CREBBP: variants seen among roughly 807,000 people sequenced by gnomAD.
CREBBP encodes CREB-binding protein.
A neutral mutation model predicts 265.0 loss-of-function variants in CREBBP; 19 were observed. The ratio of observed to expected loss-of-function variants is 0.07; its 90% CI spans 0.05 to 0.11. The LOEUF is 0.11. Ranked by LOEUF, CREBBP falls within the 10% of genes least tolerant of loss-of-function variation. The probability of loss-of-function intolerance (pLI) is 1.00; values close to 1 mark genes in which losing one functional copy is unlikely to be tolerated. For synonymous variants in CREBBP, 1,457 were observed against 1,223.7 expected (o/e 1.19, Z -3.98); for missense variants, 2,525 against 3,219.0 (o/e 0.78, Z 5.22).
At chr16:3,828,104 T>A (rs2054274162) in intron 2 of CREBBP, among the ~76,000 whole-genome samples, 1 of 152,010 alleles carries the variant, frequency 6.6e-6, no homozygotes, top group Non-Finnish European at 1.5e-5. Context: ...TTTTGTTTTG[T>A]TTTTGAGACA....
chr16:3,852,170 T>C (rs1005865350), intron 1 of CREBBP, among the ~76,000 whole-genome samples: 1 of 113,546 alleles, frequency 8.8e-6, no homozygotes, highest in Non-Finnish European at 2.0e-5. Flanking sequence ...TTTTTTTTTT[T>C]TTTTTTTTTT....
Position 3,879,818 on chromosome 16 carries a change from G to A in CREBBP, c.85+14C>T. The A allele has an allele frequency of 1.3e-6, 2 of 1,588,514 alleles. No individual in the cohort carries two copies. The highest frequency in any genetic ancestry group is 1.1e-5 in the South Asian group (1 of 87,832). ...CGCGCCCCGGGCCCCCGCCGCCCCG[G>A]ACCCCCTCCTCACCTGTGCTGTCAT... On this transcript the variant is annotated intron_variant, in intron 1 of 30. Transcript: ENST00000262367.
At chr16:3,788,170 T>C (rs2053429640) in intron 5 of CREBBP, among the ~76,000 whole-genome samples, 1 of 152,198 alleles carries the variant, frequency 6.6e-6, no homozygotes, top group Admixed American at 6.5e-5. Context: ...TGGGGGACTC[T>C]AGGTTGGAAA....
intron 2 of CREBBP, among the ~76,000 whole-genome samples, chr16:3,827,797 C>G (rs962300125): frequency 1.3e-5 from 2 of 151,898 alleles, no homozygotes; most frequent in African/African-American, 4.8e-5. Context: ...CTCAAGTGAT[C>G]TTCCTACCTC....
Position 3,727,844 on chromosome 16 carries a change from C to T in CREBBP, c.7203G>A (p.Gly2401=). Reference sequence around the variant, plus strand: ...GGAGCATTGCACTCTGTTCGGGGTTCCCCAAGTGTCCCTGATCTATGGAGC... The same window carrying T: ...GGAGCATTGCACTCTGTTCGGGGTTTCCCAAGTGTCCCTGATCTATGGAGC... ...MASSIDQGHL[G]NPEQSAMLPQ... is the part of the protein sequence containing the mutation. Residue 2401 remains glycine (G), a synonymous_variant, in exon 31 of 31, where the codon GGG becomes GGA. Coordinates refer to ENST00000262367, the MANE Select transcript of CREBBP (RefSeq NM_004380.3). The T allele has an allele frequency of 6.2e-7, 1 of 1,614,118 alleles. No homozygotes were observed. Among genetic ancestry groups the T allele is most frequent in the Non-Finnish European group, 8.5e-7 (1 of 1,180,032 alleles).
Position 3,774,701 on chromosome 16 carries a change from T to C in CREBBP, c.2159-8A>G. ...GGTTAAATGAATTCATCCCTGTAAATGTACCCACAACGGTTCATTAGGAAA... is the reference window on the plus strand; with the variant it reads ...GGTTAAATGAATTCATCCCTGTAAACGTACCCACAACGGTTCATTAGGAAA... On this transcript the variant is annotated splice_region_variant and splice_polypyrimidine_tract_variant and intron_variant, in intron 11 of 30. Coordinates refer to ENST00000262367, the MANE Select transcript of CREBBP (RefSeq NM_004380.3). 1 of 1,614,132 alleles carries C rather than the reference T, an allele frequency of 6.2e-7. No homozygotes were observed. Among genetic ancestry groups the C allele is most frequent in the Non-Finnish European group, 8.5e-7 (1 of 1,180,010 alleles).
At chr16:3,821,399 G>C (rs1362572078) in intron 2 of CREBBP, among the ~76,000 whole-genome samples, 1 of 152,178 alleles carries the variant, frequency 6.6e-6, no homozygotes, top group East Asian at 1.9e-4. Context: ...GCCTTTCCAG[G>C]AGACTGGGGA....
intron 2 of CREBBP, among the ~76,000 whole-genome samples, chr16:3,833,658 A>T (rs548861365): frequency 6.6e-6 from 1 of 152,322 alleles, no homozygotes; most frequent in South Asian, 2.1e-4. Flanking sequence ...GCAACAAATA[A>T]TGGTGTAAAA....
intron 2 of CREBBP, among the ~76,000 whole-genome samples, chr16:3,816,324 T>G (rs1012538786): frequency 3.9e-5 from 6 of 152,202 alleles, no homozygotes; most frequent in African/African-American, 1.4e-4. Flanking sequence ...ATGTAATGCA[T>G]AGTCCCTGTG....
chr16:3,763,437 A>C (rs1356718599), intron 16 of CREBBP, among the ~76,000 whole-genome samples: 1 of 152,014 alleles, frequency 6.6e-6, no homozygotes, highest in Non-Finnish European at 1.5e-5. Flanking sequence ...CTGGAGTTGC[A>C]GGTGTGAACC....
At chr16:3,854,332 A>T (rs1443966037) in intron 1 of CREBBP, among the ~76,000 whole-genome samples, 1 of 152,182 alleles carries the variant, frequency 6.6e-6, no homozygotes, top group African/African-American at 2.4e-5. Context: ...GGCAGGTGAC[A>T]ATCACCCTGT....
intron 3 of CREBBP, among the ~76,000 whole-genome samples, chr16:3,804,922 C>A (rs992503499): frequency 6.6e-6 from 1 of 152,244 alleles, no homozygotes; most frequent in African/African-American, 2.4e-5. Flanking sequence ...GAAACCCATA[C>A]TGGAAAGTAA....
intron 7 of CREBBP, among the ~76,000 whole-genome samples, 156 bp from the exon 8 acceptor site, chr16:3,781,034 T>A (rs1379183678): frequency 6.6e-6 from 1 of 152,248 alleles, no homozygotes; most frequent in Non-Finnish European, 1.5e-5. Context: ...TGTTTTAATC[T>A]ATTATCTGCT....
rs201460101 is a variant in CREBBP, at chr16:3,731,158, C to T, written c.5172+34G>A. ...CAGGATGCTTCGTCAGACCCCAGGC[C>T]GGCTGTGGGGGTGGGGGTGGGGGCA... On this transcript the variant is annotated intron_variant, in intron 30 of 30. Transcript: ENST00000262367. The surrounding 1 kb of genome is among the most constrained non-coding windows in gnomAD (Gnocchi z 7.7). 1.3e-5 allele frequency: 20 copies of T among 1,595,400 alleles called. No individual in the cohort carries two copies. The East Asian group carries it at 1.4e-4, about 11-fold the overall frequency.
At position 3,736,210 on chromosome 16, in the gene CREBBP, G is replaced by C. The variant is rs1203694837; in HGVS notation, c.4561-7C>G. On this transcript the variant is annotated splice_region_variant and splice_polypyrimidine_tract_variant and intron_variant, in intron 27 of 30. Transcript: ENST00000262367. ...TTGCTTGTTTGAAAATATCCTGAGT[G>C]GGCAAAGCACAACAGTGAGATGAGG... is the stretch of plus-strand genomic sequence containing the variant. 1 of 1,613,954 alleles carries C rather than the reference G, an allele frequency of 6.2e-7. No individual in the cohort carries two copies. The highest frequency in any genetic ancestry group is 1.3e-5 in the African/African-American group (1 of 74,926).
intron 3 of CREBBP, among the ~76,000 whole-genome samples, chr16:3,805,373 C>T (rs1454344500): frequency 6.6e-6 from 1 of 152,176 alleles, no homozygotes; most frequent in Non-Finnish European, 1.5e-5. Flanking sequence ...ATTCACCTGC[C>T]GTCTCCACAG....
At chr16:3,830,490 A>G (rs1016912443) in intron 2 of CREBBP, among the ~76,000 whole-genome samples, 7 of 152,226 alleles carry the variant, frequency 4.6e-5, no homozygotes, top group Non-Finnish European at 7.3e-5. Context: ...AGATAAAGAC[A>G]AAGAATATTA....
Position 3,728,456 on chromosome 16 carries a change from C to G in CREBBP, c.6591G>C (p.Leu2197=). Residue 2197 remains leucine (L), a synonymous_variant, in exon 31 of 31, where the codon CTG becomes CTC. Transcript: ENST00000262367. The surrounding 1 kb of genome is among the most constrained non-coding windows in gnomAD (Gnocchi z 8.7). ...GCTGCTGTTGCTGCTGCTGCTGCAGCAGCTGCCTCCGTAACATTTCTCGGT... is the reference window on the plus strand; with the variant it reads ...GCTGCTGTTGCTGCTGCTGCTGCAGGAGCTGCCTCCGTAACATTTCTCGGT... ...PQYREMLRRQ[L]LQQQQQQQQQ... The G allele has an allele frequency of 6.2e-7, 1 of 1,613,738 alleles. No individual in the cohort carries two copies. Among genetic ancestry groups the G allele is most frequent in the Non-Finnish European group, 8.5e-7 (1 of 1,179,916 alleles).
At chr16:3,818,217 C>T (rs777599644) in intron 2 of CREBBP, among the ~76,000 whole-genome samples, 4 of 151,810 alleles carry the variant, frequency 2.6e-5, no homozygotes, top group South Asian at 2.1e-4. Flanking sequence ...AATGGCACTG[C>T]GACGCAGAAC....
Sources: allele counts gnomAD v4.1 joint callset (sites outside exome capture counted in the v4.1 genomes callset), GRCh38; gene constraint gnomAD v4.1.1; non-coding constraint Gnocchi (gnomAD v3.1); transcripts MANE v1.5; gene names NCBI Gene and HGNC (gene_info 2026-07-23, HGNC 2026-07-21).